The following PEAK1 variants were observed in gnomAD, a reference collection of about 807,000 sequenced individuals.
PEAK1 encodes inactive tyrosine-protein kinase PEAK1.
PEAK1 carries 54 observed loss-of-function variants against 124.7 expected under a neutral mutation model. The observed-to-expected ratio is 0.43, with a 90% CI of 0.35 to 0.54. The LOEUF (loss-of-function observed/expected upper bound fraction) is 0.54, where lower values mean the gene tolerates loss of function less well. PEAK1 is among the 20% of genes least tolerant of loss of function. The pLI is 0.01. For missense variants in PEAK1, 2,046 were observed against 2,134.5 expected (o/e 0.96, Z 0.82); for synonymous variants, 719 against 760.0 (o/e 0.95, Z 0.89).
intron 2 of PEAK1, chr15:77,333,381 G>A: frequency 1.0e-6 from 1 of 983,514 alleles, no homozygotes; most frequent in Non-Finnish European, 1.2e-6. Context: ...ACCAATGGTG[G>A]TTTTGTGGTT....
At position 77,178,774 on chromosome 15, in the gene PEAK1, A is replaced by C. The variant is rs1233322650; in HGVS notation, c.3137+16T>G. 1.9e-6 allele frequency: 3 copies of C among 1,595,058 alleles called. No individual in the cohort carries two copies. The highest frequency in any genetic ancestry group is 2.6e-6 in the Non-Finnish European group (3 of 1,170,036). ...TGTTAAAAAATTCCCATATTCTTCC[A>C]GTCTATTTTACATACCTGAGAATCT... On this transcript the variant is annotated intron_variant, in intron 7 of 9. Coordinates refer to ENST00000682557, the MANE Select transcript of PEAK1 (RefSeq NM_001385026.1).
chr15:77,119,006 G>A (rs1344959753), intron 9 of PEAK1, among the ~76,000 whole-genome samples: 2 of 79,952 alleles, frequency 2.5e-5, no homozygotes, highest in African/African-American at 6.8e-5. Flanking sequence ...ATATCCAGGA[G>A]TCATTTACTT....
chr15:77,326,125 C>T (rs543958256), intron 2 of PEAK1, among the ~76,000 whole-genome samples: 6 of 152,114 alleles, frequency 3.9e-5, no homozygotes, highest in Non-Finnish European at 7.4e-5. Flanking sequence ...TCCCCATTTG[C>T]TAAGCCATTT....
In PEAK1 at chr15:77,415,389, T is replaced by C. The variant is rs535846833; in HGVS notation, c.-666+4617A>G. Among the ~76,000 whole-genome samples, 45 of 152,320 alleles carry C rather than the reference T, an allele frequency of 3.0e-4. No individual in the cohort carries two copies. In the Middle Eastern group the frequency reaches 0.014, roughly 46 times the overall value. The stretch of plus-strand genomic sequence containing the variant: ...ACAGACTATCTTTTTTTCCATTCCT[T>C]TCACAGGGGTGGATTAATTTTACCT... On this transcript the variant is annotated intron_variant, in intron 1 of 9. Transcript: ENST00000682557.
At chr15:77,294,290 T>C (rs2063372310) in intron 2 of PEAK1, among the ~76,000 whole-genome samples, 1 of 152,156 alleles carries the variant, frequency 6.6e-6, no homozygotes, top group Admixed American at 6.5e-5. Flanking sequence ...AGTAAATATA[T>C]AACAGAAGAA....
intron 8 of PEAK1, among the ~76,000 whole-genome samples, chr15:77,147,987 A>G (rs2054294014): frequency 6.6e-6 from 1 of 152,224 alleles, no homozygotes; most frequent in African/African-American, 2.4e-5. Flanking sequence ...ATTTTTATAA[A>G]TTTATATTTA....
intron 6 of PEAK1, among the ~76,000 whole-genome samples, chr15:77,241,698 TA>T (rs930586113): frequency 1.3e-4 from 19 of 149,364 alleles, no homozygotes; most frequent in Admixed American, 2.0e-4. Flanking sequence ...AAACCAAAAT[TA>T]AAAAAAAATA....
intron 6 of PEAK1, among the ~76,000 whole-genome samples, chr15:77,188,756 T>C (rs1238960070): frequency 6.6e-6 from 1 of 152,204 alleles, no homozygotes; most frequent in Admixed American, 6.5e-5. Flanking sequence ...TGTAATTATG[T>C]AAGTCCCCAG....
Position 77,319,253 on chromosome 15 carries a change from TA to T in PEAK1, c.-602-32750del, listed in dbSNP as rs201595105. ...GAAATAATTTGCCCCAAATGTAGTTTAAAAAAAAAAAAAAGCGTGCCCTAGC... is the reference window on the plus strand; with the variant it reads ...GAAATAATTTGCCCCAAATGTAGTTTAAAAAAAAAAAAAGCGTGCCCTAGC... On this transcript the variant is annotated intron_variant, in intron 2 of 9. Coordinates refer to ENST00000682557, the MANE Select transcript of PEAK1 (RefSeq NM_001385026.1). 6.6e-3 allele frequency among the ~76,000 whole-genome samples: 925 copies of T among 139,550 alleles called. 1 individual carries two copies. The highest frequency in any genetic ancestry group is 0.023 in the East Asian group (113 of 4,918). The allele number at this position is 139,550 out of a possible 152,430, so 91.6% of individuals were successfully genotyped here.
intron 8 of PEAK1, among the ~76,000 whole-genome samples, chr15:77,154,653 C>T (rs2054960483): frequency 6.6e-6 from 1 of 152,112 alleles, no homozygotes; most frequent in East Asian, 1.9e-4. Flanking sequence ...TTAGTGCTTC[C>T]TTCAGGAGCT....
intron 2 of PEAK1, among the ~76,000 whole-genome samples, chr15:77,302,090 G>C (rs989769278): frequency 1.3e-5 from 2 of 151,816 alleles, no homozygotes; most frequent in Non-Finnish European, 2.9e-5. Context: ...CACTCCGGAG[G>C]CTCCATACAT....
chr15:77,114,014 T>C lies in PEAK1; in HGVS notation c.*142A>G, dbSNP rs1434810105. 6 of 857,780 alleles carry C rather than the reference T, an allele frequency of 7.0e-6. No individual in the cohort carries two copies. The highest frequency in any genetic ancestry group is 5.0e-5 in the East Asian group (2 of 40,244). The allele number at this position is 857,780 out of a possible 1,614,324, so 53.1% of individuals were successfully genotyped here. ...AATCTGGGGCAGTGGATAACCTTTC[T>C]GAATAGACCCACTTGTTCACGGACA... On this transcript the variant is annotated 3_prime_UTR_variant, in exon 10 of 10. Transcript: ENST00000682557.
intron 8 of PEAK1, among the ~76,000 whole-genome samples, chr15:77,144,105 T>G (rs146941271): frequency 1.2e-3 from 177 of 152,336 alleles, no homozygotes; most frequent in African/African-American, 3.8e-3. Flanking sequence ...TCTATCATCA[T>G]CAGCAGCTCT....
At chr15:77,204,899 G>A (rs183140175) in intron 6 of PEAK1, 1 of 186,308 alleles carries the variant, frequency 5.4e-6, no homozygotes, top group African/African-American at 2.4e-5. Flanking sequence ...GTGAGACTCT[G>A]TCCAAAAAAA....
intron 8 of PEAK1, among the ~76,000 whole-genome samples, chr15:77,139,801 A>G (rs1362047479): frequency 1.3e-5 from 2 of 151,992 alleles, no homozygotes; most frequent in Non-Finnish European, 2.9e-5. Flanking sequence ...AACAACACAC[A>G]TATATATACA....
chr15:77,164,497 A>G (rs915807690), intron 7 of PEAK1, among the ~76,000 whole-genome samples: 10 of 152,230 alleles, frequency 6.6e-5, no homozygotes, highest in Admixed American at 5.2e-4. Context: ...TTTAAAAAAC[A>G]GACTCAAATA....
chr15:77,191,358 G>A (rs577118009), intron 6 of PEAK1, among the ~76,000 whole-genome samples: 2 of 152,122 alleles, frequency 1.3e-5, no homozygotes, highest in South Asian at 2.1e-4. Flanking sequence ...TACATCCAGC[G>A]GAGGCCAGGA....
At position 77,220,996 on chromosome 15, in the gene PEAK1, T is replaced by C. The variant is rs576956872; in HGVS notation, c.-115+31371A>G. The stretch of plus-strand genomic sequence containing the variant: ...ATTGAAAGACTAATAAATAACAAGA[T>C]ATTGAATGGAAATGTATGTCTTCCA... On this transcript the variant is annotated intron_variant, in intron 6 of 9. Transcript: ENST00000682557. Among the ~76,000 whole-genome samples, 4 of 152,220 alleles carry C rather than the reference T, an allele frequency of 2.6e-5. No homozygotes were observed. The South Asian group carries it at 8.3e-4, about 32-fold the overall frequency.
intron 2 of PEAK1, among the ~76,000 whole-genome samples, chr15:77,309,874 A>G (rs1157937002): frequency 6.6e-6 from 1 of 152,228 alleles, no homozygotes; most frequent in African/African-American, 2.4e-5. Context: ...AACTTTAAAT[A>G]TTCAAACAGG....
Sources: allele counts gnomAD v4.1 joint callset (sites outside exome capture counted in the v4.1 genomes callset), GRCh38; gene constraint gnomAD v4.1.1; transcripts MANE v1.5; gene names NCBI Gene and HGNC (gene_info 2026-07-23, HGNC 2026-07-21).